GABRA4: variants seen among roughly 807,000 people sequenced by gnomAD.
GABRA4 encodes the protein gamma-aminobutyric acid type A receptor subunit alpha4.
A neutral mutation model predicts 49.7 loss-of-function variants in GABRA4; 12 were observed. That is an observed-to-expected ratio of 0.24 (90% confidence interval 0.15 to 0.39). The LOEUF (loss-of-function observed/expected upper bound fraction) is 0.39. Ranked by LOEUF, GABRA4 falls within the 10% of genes least tolerant of loss-of-function variation. The pLI is 1.00. For missense variants in GABRA4, 506 were observed against 686.0 expected, an observed-to-expected ratio of 0.74 and a Z score of 2.93; for synonymous variants, 288 against 240.2, an observed-to-expected ratio of 1.20 and a Z score of -1.84.
rs115397169 is a variant in GABRA4, at chr4:46,981,923, G to A, written c.206-2825C>T. On this transcript the variant is annotated intron_variant, in intron 2 of 8. Transcript: ENST00000264318. ...CTCCAAGAGGACAAGATCAAAGACC[G>A]GAAAAGGGCTGAGTGTATTCAGGGA... Among the ~76,000 whole-genome samples, 586 of 152,176 alleles carry A rather than the reference G, an allele frequency of 3.9e-3. 7 individuals are homozygous for A. The highest frequency in any genetic ancestry group is 6.8e-3 in the Middle Eastern group (2 of 294).
At position 46,955,113 on chromosome 4, in the gene GABRA4, A is replaced by G. The variant is rs111248662; in HGVS notation, c.1134+9857T>C. ...GCTAAATACATTTCACAGCTTCTTC[A>G]TTTGCCATGCTATTTATAAACACAG... On this transcript the variant is annotated intron_variant, in intron 8 of 8. Transcript: ENST00000264318. Among the ~76,000 whole-genome samples, 1,359 of 152,210 alleles carry G rather than the reference A, an allele frequency of 8.9e-3. 13 individuals are homozygous for G. Among genetic ancestry groups the G allele is most frequent in the Non-Finnish European group, 0.014 (929 of 67,994 alleles).
intron 7 of GABRA4, among the ~76,000 whole-genome samples, chr4:46,968,461 C>A (rs1722843446): frequency 6.6e-6 from 1 of 151,480 alleles, no homozygotes; most frequent in South Asian, 2.1e-4. Context: ...GCCCCCACAT[C>A]CCCACACCTC....
At position 46,928,257 on chromosome 4, in the gene GABRA4, C is replaced by A. The variant is rs1293507713; in HGVS notation, c.1633G>T (p.Asp545Tyr). 1 of 1,612,252 alleles carries A rather than the reference C, an allele frequency of 6.2e-7. No homozygotes were observed. The highest frequency in any genetic ancestry group is 1.7e-5 in the Admixed American group (1 of 59,866). Residue 545 changes from aspartate to tyrosine, a missense_variant, in exon 9 of 9, where the codon GAC (aspartate) becomes TAC (tyrosine). Coordinates refer to ENST00000264318, the MANE Select transcript of GABRA4 (RefSeq NM_000809.4). The part of the protein sequence containing the change: ...MVYWVVYLSK[D>Y]TMEKSESLM ...AGACTTTCTGATTTCTCCATAGTGT[C>A]CTTAGATAAATAAACAACCCAATAA...
At chr4:46,966,166 C>G (rs929262233) in intron 7 of GABRA4, among the ~76,000 whole-genome samples, 2 of 151,742 alleles carry the variant, frequency 1.3e-5, no homozygotes, top group African/African-American at 4.8e-5. Flanking sequence ...ATATGTCTGT[C>G]TAATCCATGT....
intron 4 of GABRA4, 97 bp from the exon 5 acceptor site, chr4:46,977,240 G>A: frequency 5.1e-6 from 3 of 583,412 alleles, no homozygotes; most frequent in South Asian, 3.9e-5. Flanking sequence ...AAGGAGGAAG[G>A]AAGAAGGGAG....
At chr4:46,936,149 G>A (rs374438749) in intron 8 of GABRA4, among the ~76,000 whole-genome samples, 3 of 152,116 alleles carry the variant, frequency 2.0e-5, no homozygotes, top group African/African-American at 7.2e-5. Context: ...GTGCCATGTA[G>A]GAAAGACTAC....
At chr4:46,978,687 CAAAAAAAAAAAAAA>C (rs71193889) in intron 3 of GABRA4, among the ~76,000 whole-genome samples, 1 of 21,662 alleles carries the variant, frequency 4.6e-5, no homozygotes, top group Admixed American at 6.7e-4. Context: ...AACTTCATCT[CAAAAAAAAAAAAAA>C]AAAAAAAAAA....
chr4:46,978,789 T>C (rs1723244286), intron 3 of GABRA4, among the ~76,000 whole-genome samples: 1 of 149,926 alleles, frequency 6.7e-6, no homozygotes, highest in South Asian at 2.1e-4. Context: ...TAGGAACCAG[T>C]AATAGGAAAG....
At chr4:46,977,765 A>G (rs1723198329) in intron 3 of GABRA4, 135 bp from the exon 4 acceptor site, 2 of 555,772 alleles carry the variant, frequency 3.6e-6, no homozygotes, top group South Asian at 5.9e-5. Flanking sequence ...AGGAGCAGGA[A>G]TGATCTTGAA....
intron 8 of GABRA4, among the ~76,000 whole-genome samples, chr4:46,950,686 C>T (rs947795103): frequency 5.5e-5 from 7 of 127,256 alleles, no homozygotes; most frequent in Non-Finnish European, 1.0e-4. Flanking sequence ...TGCCCTCCCA[C>T]GTTTTTTTAA....
chr4:46,920,880 T>C lies in GABRA4; in HGVS notation c.*7345A>G, dbSNP rs955669087. 2 of 151,896 alleles carry C rather than the reference T, an allele frequency of 1.3e-5. No homozygotes were observed. The highest frequency in any genetic ancestry group is 3.0e-5 in the Non-Finnish European group (2 of 67,778). The allele number at this position is 151,896 out of a possible 1,614,324, so 9.4% of individuals were successfully genotyped here. ...ATATATTTAATTTATCCTTTACTAC[T>C]TGTGTAACATAATCAACTCTGTCAT... On this transcript the variant is annotated 3_prime_UTR_variant, in exon 9 of 9. Transcript: ENST00000264318.
intron 2 of GABRA4, among the ~76,000 whole-genome samples, chr4:46,992,510 G>A (rs995997893): frequency 6.6e-6 from 1 of 152,182 alleles, no homozygotes; most frequent in Non-Finnish European, 1.5e-5. Flanking sequence ...ACTATTCTCA[G>A]CGAAGAGCGT....
In GABRA4 at chr4:46,928,566, C is replaced by T. The variant is rs752581479; in HGVS notation, c.1324G>A (p.Ala442Thr). 21 of 1,613,714 alleles carry T rather than the reference C, an allele frequency of 1.3e-5. 1 individual carries two copies. Among genetic ancestry groups the T allele is most frequent in the Admixed American group, 3.3e-5 (2 of 59,930 alleles). ...GCTCTTGCTGCAGATATGGTTTCAG[C>T]TGCATTTGCACGGCTGAATGGGTTT... Reference protein sequence around the residue: ...SPNPFSRANAAETISAARALP... With the variant: ...SPNPFSRANATETISAARALP... Residue 442 changes from alanine (A) to threonine (T), a missense_variant, in exon 9 of 9, where the codon GCT becomes ACT. Physicochemically the swap from Ala to Thr is moderately conservative, Grantham distance 58 (BLOSUM62 0). Around this residue, in one of 5 missense-constraint regions of GABRA4, gnomAD observed 243 missense variants for 210.8 expected, o/e 1.15. Transcript: ENST00000264318.
In GABRA4 at chr4:46,993,496, G is replaced by A. The variant is rs972391885; in HGVS notation, c.-72C>T. 4 of 1,449,596 alleles carry A rather than the reference G, an allele frequency of 2.8e-6. No homozygotes were observed. In the African/African-American group the frequency reaches 5.6e-5, roughly 20 times the overall value. The allele number at this position is 1,449,596 out of a possible 1,614,324, so 89.8% of individuals were successfully genotyped here. On this transcript the variant is annotated 5_prime_UTR_variant, in exon 1 of 9. Coordinates refer to ENST00000264318, the MANE Select transcript of GABRA4 (RefSeq NM_000809.4). ...TCAGATGCCCTGAGCAGGGTGCGAGGAGAGGGCAGAGAGGCTCCCGCGGCG... is the reference window on the plus strand; with the variant it reads ...TCAGATGCCCTGAGCAGGGTGCGAGAAGAGGGCAGAGAGGCTCCCGCGGCG...
chr4:46,984,640 A>G (rs1723470336), intron 2 of GABRA4, among the ~76,000 whole-genome samples: 1 of 152,198 alleles, frequency 6.6e-6, no homozygotes, highest in Admixed American at 6.5e-5. Context: ...AAAACAAGTA[A>G]TTCACGGAAA....
chr4:46,980,269 G>T (rs1322087252), intron 2 of GABRA4, among the ~76,000 whole-genome samples: 1 of 151,326 alleles, frequency 6.6e-6, no homozygotes. Context: ...TTATAGTACT[G>T]TATAGCCAGA....
At chr4:46,972,570 A>G (rs1722987071) in intron 6 of GABRA4, among the ~76,000 whole-genome samples, 1 of 151,504 alleles carries the variant, frequency 6.6e-6, no homozygotes, top group Admixed American at 6.6e-5. Flanking sequence ...ATCACCCCCA[A>G]AAGTTCCCTC....
chr4:46,982,464 G>T (rs182030581), intron 2 of GABRA4, among the ~76,000 whole-genome samples: 1 of 151,930 alleles, frequency 6.6e-6, no homozygotes, highest in African/African-American at 2.4e-5. Flanking sequence ...GGACTTAGAA[G>T]AAACCAATTT....
chr4:46,976,700 T>G lies in GABRA4; in HGVS notation c.577+361A>C, dbSNP rs932509834. On this transcript the variant is annotated intron_variant, in intron 5 of 8. Coordinates refer to ENST00000264318, the MANE Select transcript of GABRA4 (RefSeq NM_000809.4). The stretch of plus-strand genomic sequence containing the variant: ...GTATCTATCTATCTATCTGAAGTGA[T>G]ATGTGTTATAATTATATCAATTATA... Among the ~76,000 whole-genome samples the G allele has an allele frequency of 2.6e-5, 4 of 151,546 alleles. No homozygotes were observed. The East Asian group carries it at 7.8e-4, about 29-fold the overall frequency.
Sources: gnomAD v4.1 joint callset for allele counts (sites outside exome capture counted in the v4.1 genomes callset) on GRCh38, gnomAD v4.1.1 for gene constraint, gnomAD v4.1.1 regional missense constraint, MANE v1.5 for transcripts, NCBI Gene and HGNC (gene_info 2026-07-23, HGNC 2026-07-21) for gene names.